The following RANBP2 variants were observed in gnomAD, a reference collection of about 807,000 sequenced individuals.
RANBP2 encodes the protein RAN binding protein 2.
Under a neutral mutation model 303.6 loss-of-function variants are expected in RANBP2, and 57 were observed. The ratio of observed to expected loss-of-function variants is 0.19; its 90% CI spans 0.15 to 0.23. The LOEUF (loss-of-function observed/expected upper bound fraction) is 0.23, where lower values mean the gene tolerates loss of function less well. Among genes scored for constraint, RANBP2 ranks in the 10% least tolerant of loss-of-function variants. The probability of loss-of-function intolerance (pLI) is 1.00; values close to 1 mark genes in which losing one functional copy is unlikely to be tolerated. For missense variants in RANBP2, 3,138 were observed against 3,780.8 expected, an observed-to-expected ratio of 0.83 and a Z score of 4.46; for synonymous variants, 1,167 against 1,301.5, an observed-to-expected ratio of 0.90 and a Z score of 2.23.
the RANBP2 span, among the ~76,000 whole-genome samples, chr2:109,692,474 T>A: frequency 2.0e-5 from 3 of 152,108 alleles, no homozygotes; most frequent in Non-Finnish European, 4.4e-5. Context: ...TCAATAAAAA[T>A]CAAATGTGAG....
At chr2:109,432,159 G>A in the RANBP2 span, among the ~76,000 whole-genome samples, 1 of 152,214 alleles carries the variant, frequency 6.6e-6, no homozygotes, top group South Asian at 2.1e-4. Context: ...CTGGCCCTGG[G>A]ATGCAGTTCA....
chr2:108,940,159 G>A, the RANBP2 span: 1 of 152,260 alleles, frequency 6.6e-6, no homozygotes, highest in Non-Finnish European at 1.5e-5. Context: ...ATAGCACAGA[G>A]CTGCCGCAGG....
the RANBP2 span, among the ~76,000 whole-genome samples, chr2:109,659,813 C>G: frequency 6.6e-6 from 1 of 152,218 alleles, no homozygotes; most frequent in Non-Finnish European, 1.5e-5. Flanking sequence ...AGCAGCAAAG[C>G]AAATCTCCAG....
the RANBP2 span, among the ~76,000 whole-genome samples, chr2:109,324,280 AG>A: frequency 6.6e-6 from 1 of 152,138 alleles, no homozygotes; most frequent in Non-Finnish European, 1.5e-5. Flanking sequence ...TTGATGTACA[AG>A]TTTTTTGTGG....
chr2:109,073,435 G>C, the RANBP2 span, among the ~76,000 whole-genome samples: 1 of 152,122 alleles, frequency 6.6e-6, no homozygotes. Context: ...TTGGGAGGCT[G>C]AGGTGGGTGG....
At chr2:108,987,664 C>T in the RANBP2 span, among the ~76,000 whole-genome samples, 497 of 152,332 alleles carry the variant, frequency 3.3e-3, 1 homozygote, top group African/African-American at 0.011. Flanking sequence ...ATTAATCCTC[C>T]CACAGCACAG....
the RANBP2 span, chr2:109,129,610 G>C: frequency 6.7e-7 from 1 of 1,481,516 alleles, no homozygotes; most frequent in Non-Finnish European, 8.9e-7. Context: ...CGAGGGCGAC[G>C]AGGACAGGCC....
At chr2:109,433,278 C>A in the RANBP2 span, among the ~76,000 whole-genome samples, 1 of 152,346 alleles carries the variant, frequency 6.6e-6, no homozygotes, top group South Asian at 2.1e-4. Context: ...AAAATGATAT[C>A]TTCCCAAAGG....
At chr2:109,362,092 TTTTA>T in the RANBP2 span, among the ~76,000 whole-genome samples, 9 of 152,126 alleles carry the variant, frequency 5.9e-5, no homozygotes, top group Admixed American at 1.3e-4. Flanking sequence ...ATTTCTTTTA[TTTTA>T]TTTATTATTT....
the RANBP2 span, among the ~76,000 whole-genome samples, chr2:109,663,314 G>T: frequency 6.6e-6 from 1 of 152,288 alleles, no homozygotes; most frequent in Non-Finnish European, 1.5e-5. Flanking sequence ...CTATTTAAGA[G>T]CATGTCTATC....
the RANBP2 span, among the ~76,000 whole-genome samples, chr2:109,494,992 C>T: frequency 1.3e-5 from 2 of 152,234 alleles, no homozygotes; most frequent in African/African-American, 4.8e-5. Context: ...GGCTGGCAGG[C>T]TCAGCTGCCC....
the RANBP2 span, among the ~76,000 whole-genome samples, chr2:109,571,509 G>A: frequency 1.3e-5 from 2 of 152,184 alleles, no homozygotes; most frequent in African/African-American, 2.4e-5. Flanking sequence ...TGTGTATGTA[G>A]GCAACTATAA....
intron 7 of RANBP2, among the ~76,000 whole-genome samples, chr2:108,746,357 G>A (rs1696523363): frequency 6.6e-6 from 1 of 151,566 alleles, no homozygotes; most frequent in Admixed American, 6.6e-5. Flanking sequence ...GAATTAATAG[G>A]TGTGTGCCAC....
At chr2:109,288,024 C>G in the RANBP2 span, among the ~76,000 whole-genome samples, 1 of 133,410 alleles carries the variant, frequency 7.5e-6, no homozygotes, top group South Asian at 2.5e-4. Context: ...GGCCTTTTGG[C>G]TGACTGCCAC....
At chr2:109,500,027 A>G in the RANBP2 span, among the ~76,000 whole-genome samples, 1 of 152,080 alleles carries the variant, frequency 6.6e-6, no homozygotes, top group South Asian at 2.1e-4. Flanking sequence ...GTCCGTGTGA[A>G]CACATCTGGA....
the RANBP2 span, among the ~76,000 whole-genome samples, chr2:108,888,452 C>A: frequency 6.6e-6 from 1 of 151,920 alleles, no homozygotes; most frequent in Admixed American, 6.6e-5. Context: ...GGTGTTATTT[C>A]TTTGTATGTT....
chr2:109,211,055 C>T, the RANBP2 span, among the ~76,000 whole-genome samples: 1 of 152,162 alleles, frequency 6.6e-6, no homozygotes, highest in African/African-American at 2.4e-5. Context: ...GTCTGTTCTG[C>T]TCTGTCTGGT....
the RANBP2 span, chr2:109,399,010 C>A: frequency 6.8e-7 from 1 of 1,461,390 alleles, no homozygotes; most frequent in Non-Finnish European, 9.2e-7. Context: ...GCTCCGTGTT[C>A]AGTGTCCCCC....
chr2:108,846,147 T>C, the RANBP2 span, among the ~76,000 whole-genome samples: 4 of 152,172 alleles, frequency 2.6e-5, no homozygotes, highest in East Asian at 3.9e-4. Context: ...CTGGTTTTCA[T>C]TGATGGTGGA....
Sources: gnomAD v4.1 joint callset for allele counts (sites outside exome capture counted in the v4.1 genomes callset) on GRCh38, gnomAD v4.1.1 for gene constraint, MANE v1.5 for transcripts, NCBI Gene and HGNC (gene_info 2026-07-23, HGNC 2026-07-21) for gene names.